The following TTC23 variants were observed in gnomAD, a reference collection of about 807,000 sequenced individuals.
TTC23 encodes tetratricopeptide repeat protein 23.
Under a neutral mutation model 55.1 loss-of-function variants are expected in TTC23, and 58 were observed. That is an observed-to-expected ratio of 1.05 (90% CI 0.85 to 1.31). The LOEUF is 1.31. Among genes scored for constraint, TTC23 ranks in the 50% most tolerant of loss-of-function variants. TTC23 has a pLI of 0.00. For missense variants in TTC23, 516 were observed against 534.4 expected (o/e 0.97, Z 0.34); for synonymous variants, 203 against 199.9 (o/e 1.02, Z -0.13).
intron 9 of TTC23, among the ~76,000 whole-genome samples, chr15:99,190,316 A>T (rs2075135456): frequency 6.8e-6 from 1 of 146,048 alleles, no homozygotes; most frequent in Admixed American, 7.1e-5. Flanking sequence ...TCTGTCACCC[A>T]GGCTGGAGTG....
At chr15:99,211,510 C>T (rs1193754790) in intron 8 of TTC23, among the ~76,000 whole-genome samples, 3 of 152,112 alleles carry the variant, frequency 2.0e-5, no homozygotes, top group African/African-American at 7.2e-5. Flanking sequence ...AAAAATTGCA[C>T]ACCAAGGGCA....
chr15:99,180,095 C>T (rs2073971357), intron 9 of TTC23, among the ~76,000 whole-genome samples: 1 of 152,142 alleles, frequency 6.6e-6, no homozygotes, highest in African/African-American at 2.4e-5. Flanking sequence ...AAGTAATGGG[C>T]CTCGCTGGGG....
chr15:99,226,289 G>A (rs2078405385), intron 5 of TTC23, among the ~76,000 whole-genome samples: 1 of 151,492 alleles, frequency 6.6e-6, no homozygotes, highest in South Asian at 2.1e-4. Flanking sequence ...TCACTGTACT[G>A]TGGCCATGTA....
chr15:99,165,891 G>A (rs1218239554), intron 10 of TTC23, among the ~76,000 whole-genome samples: 3 of 152,212 alleles, frequency 2.0e-5, no homozygotes, highest in Non-Finnish European at 2.9e-5. Context: ...TAAAATGAAT[G>A]AAGATAGTCA....
chr15:99,250,793 T>A (rs1361520567), upstream of TTC23, among the ~76,000 whole-genome samples: 1 of 152,188 alleles, frequency 6.6e-6, no homozygotes, highest in Non-Finnish European at 1.5e-5. Context: ...ACCTTGGGTG[T>A]TTGAAGGGCA....
At chr15:99,244,718 C>T (rs1032806263) in intron 2 of TTC23, among the ~76,000 whole-genome samples, 4 of 151,902 alleles carry the variant, frequency 2.6e-5, no homozygotes, top group African/African-American at 9.7e-5. Flanking sequence ...ATTGATGTAT[C>T]GATTTAATGT....
intron 4 of TTC23, among the ~76,000 whole-genome samples, chr15:99,230,926 A>G (rs932682537): frequency 6.6e-6 from 1 of 152,226 alleles, no homozygotes; most frequent in African/African-American, 2.4e-5. Context: ...TGGTACGTAC[A>G]TGGGCAAATG....
intron 6 of TTC23, among the ~76,000 whole-genome samples, 156 bp from the exon 7 acceptor site, chr15:99,219,204 G>GT (rs1303772223): frequency 6.6e-6 from 1 of 152,158 alleles, no homozygotes; most frequent in Non-Finnish European, 1.5e-5. Context: ...TGCCATGACT[G>GT]TAACAACCAA....
intron 9 of TTC23, among the ~76,000 whole-genome samples, chr15:99,192,904 G>C (rs2075362844): frequency 6.6e-6 from 1 of 152,224 alleles, no homozygotes; most frequent in South Asian, 2.1e-4. Context: ...CCAAGACTAT[G>C]GGAACCTACT....
chr15:99,236,478 T>G, intron 3 of TTC23, among the ~76,000 whole-genome samples: 1 of 152,152 alleles, frequency 6.6e-6, no homozygotes, highest in Middle Eastern at 3.4e-3. Context: ...TTTTTTTTTT[T>G]TTTTTGAAAC....
At chr15:99,139,995 C>A in intron 12 of TTC23, 1 of 228,562 alleles carries the variant, frequency 4.4e-6, no homozygotes, top group Non-Finnish European at 8.9e-6. Context: ...TAAAGTTGTG[C>A]CCAAAATGGC....
At chr15:99,201,589 C>T (rs1316102339) in intron 8 of TTC23, among the ~76,000 whole-genome samples, 1 of 152,144 alleles carries the variant, frequency 6.6e-6, no homozygotes, top group Non-Finnish European at 1.5e-5. Context: ...TCCAGATGGC[C>T]ACAGTGGAAT....
chr15:99,246,797 G>C (rs1474370511), intron 1 of TTC23, among the ~76,000 whole-genome samples: 1 of 152,134 alleles, frequency 6.6e-6, no homozygotes, highest in Non-Finnish European at 1.5e-5. Context: ...GTGGGCACCT[G>C]TAATCCTAGC....
intron 12 of TTC23, among the ~76,000 whole-genome samples, chr15:99,147,627 G>A (rs1253297846): frequency 6.6e-6 from 1 of 151,988 alleles, no homozygotes; most frequent in Non-Finnish European, 1.5e-5. Context: ...TTCAAGTCAC[G>A]AGTGCTTGAA....
chr15:99,161,605 T>C, intron 11 of TTC23, 135 bp downstream of exon 11: 1 of 977,104 alleles, frequency 1.0e-6, no homozygotes. Context: ...GCCCTAGCCT[T>C]ATTTATGTGT....
chr15:99,206,257 T>C (rs1413552621), intron 8 of TTC23, among the ~76,000 whole-genome samples: 3 of 152,158 alleles, frequency 2.0e-5, no homozygotes, highest in Non-Finnish European at 4.4e-5. Flanking sequence ...TCAGAGATAT[T>C]GGCCCATAGT....
At position 99,230,024 on chromosome 15, in the gene TTC23, C is replaced by T. The variant is rs148191350; in HGVS notation, c.-20-1292G>A. ...ACGAGGTAAAATTCACAAAGTCTAGCATCCAAAGATTACCAAGCATCCAAA... is the reference window on the plus strand; with the variant it reads ...ACGAGGTAAAATTCACAAAGTCTAGTATCCAAAGATTACCAAGCATCCAAA... On this transcript the variant is annotated intron_variant, in intron 4 of 13. Transcript: ENST00000394132. Among the ~76,000 whole-genome samples, 289 of 152,286 alleles carry T rather than the reference C, an allele frequency of 1.9e-3. 2 individuals carry two copies. Among genetic ancestry groups the T allele is most frequent in the African/African-American group, 6.1e-3 (252 of 41,542 alleles).
At chr15:99,216,394 G>C (rs1008087982) in intron 8 of TTC23, among the ~76,000 whole-genome samples, 2 of 152,074 alleles carry the variant, frequency 1.3e-5, no homozygotes, top group Non-Finnish European at 2.9e-5. Flanking sequence ...AAAATGAATG[G>C]ATTTGAGTGA....
At chr15:99,202,415 C>G (rs1163999049) in intron 8 of TTC23, among the ~76,000 whole-genome samples, 1 of 152,044 alleles carries the variant, frequency 6.6e-6, no homozygotes, top group African/African-American at 2.4e-5. Context: ...GTACAAACAC[C>G]AAGATAATTT....
Sources: gnomAD v4.1 joint callset for allele counts (sites outside exome capture counted in the v4.1 genomes callset) on GRCh38, gnomAD v4.1.1 for gene constraint, MANE v1.5 for transcripts, NCBI Gene and HGNC (gene_info 2026-07-23, HGNC 2026-07-21) for gene names.